RAB3GAP1: variants seen among roughly 807,000 people sequenced by gnomAD.
RAB3GAP1 encodes the protein rab3 GTPase-activating protein catalytic subunit.
RAB3GAP1 carries 86 observed loss-of-function variants against 130.7 expected under a neutral mutation model. The ratio of observed to expected loss-of-function variants is 0.66; its 90% confidence interval spans 0.55 to 0.79. RAB3GAP1 has a LOEUF of 0.79. Among genes scored for constraint, RAB3GAP1 ranks in the 30% least tolerant of loss-of-function variants. The pLI is 0.00. For missense variants in RAB3GAP1, 1,029 were observed against 1,169.4 expected, an observed-to-expected ratio of 0.88 and a Z score of 1.75; for synonymous variants, 367 against 401.7, an observed-to-expected ratio of 0.91 and a Z score of 1.03.
chr2:135,143,289 A>G (rs1185451578), intron 17 of RAB3GAP1, among the ~76,000 whole-genome samples: 1 of 151,836 alleles, frequency 6.6e-6, no homozygotes, highest in Non-Finnish European at 1.5e-5. Context: ...ATGATATTGC[A>G]GTTTTAATTT....
intron 3 of RAB3GAP1, among the ~76,000 whole-genome samples, chr2:135,076,057 T>A (rs1689625916): frequency 6.6e-6 from 1 of 152,010 alleles, no homozygotes; most frequent in Admixed American, 6.6e-5. Flanking sequence ...ATTACAGGCG[T>A]GTGCCACCAC....
chr2:135,120,698 G>A, intron 7 of RAB3GAP1, 121 bp from the exon 8 acceptor site: 1 of 791,094 alleles, frequency 1.3e-6, no homozygotes, highest in Admixed American at 1.8e-5. Context: ...ACTAGAATCT[G>A]AAAATCCAGG....
chr2:135,067,477 A>G (rs1010630914), intron 3 of RAB3GAP1, among the ~76,000 whole-genome samples: 3 of 152,168 alleles, frequency 2.0e-5, no homozygotes, highest in African/African-American at 7.2e-5. Context: ...GTGTTTTGTT[A>G]TATCTCTGAT....
chr2:135,066,311 G>A (rs1303231897), intron 3 of RAB3GAP1, among the ~76,000 whole-genome samples: 1 of 152,176 alleles, frequency 6.6e-6, no homozygotes, highest in African/African-American at 2.4e-5. Flanking sequence ...AGAACCCAAA[G>A]TGCTGGGAAA....
intron 17 of RAB3GAP1, 21 bp downstream of exon 17, chr2:135,135,953 C>A (rs1210304343): frequency 6.2e-7 from 1 of 1,610,598 alleles, no homozygotes; most frequent in East Asian, 2.2e-5. Flanking sequence ...CTAGTTCTTT[C>A]CATTTTAATT....
chr2:135,067,253 G>C (rs72976399), intron 3 of RAB3GAP1, among the ~76,000 whole-genome samples: 6,901 of 152,232 alleles, frequency 0.045, 538 homozygotes, highest in African/African-American at 0.16. Flanking sequence ...ACTAAAGAAG[G>C]TTGAGGATCA....
chr2:135,101,804 T>G (rs924439040), intron 5 of RAB3GAP1, among the ~76,000 whole-genome samples: 1 of 152,010 alleles, frequency 6.6e-6, no homozygotes, highest in African/African-American at 2.4e-5. Context: ...TTTTTTTATT[T>G]TCTTTAAATA....
chr2:135,166,060 T>A (rs1558807748), intron 23 of RAB3GAP1, among the ~76,000 whole-genome samples: 1 of 151,798 alleles, frequency 6.6e-6, no homozygotes, highest in East Asian at 1.9e-4. Context: ...TAATCTCAGC[T>A]ACTTGGGAGG....
chr2:135,159,830 T>TTAC (rs1207525851), intron 19 of RAB3GAP1, among the ~76,000 whole-genome samples: 3 of 152,214 alleles, frequency 2.0e-5, no homozygotes, highest in Admixed American at 6.5e-5. Flanking sequence ...CTGATATGTG[T>TTAC]TACAACATGG....
intron 11 of RAB3GAP1, among the ~76,000 whole-genome samples, chr2:135,129,729 A>C (rs572951722): frequency 1.6e-4 from 24 of 152,246 alleles, no homozygotes; most frequent in African/African-American, 5.1e-4. Flanking sequence ...AGTAAGTACT[A>C]TTAGGTACAG....
chr2:135,145,399 TACAC>T (rs10603690), intron 17 of RAB3GAP1, among the ~76,000 whole-genome samples: 6,395 of 147,058 alleles, frequency 0.043, 156 homozygotes, highest in South Asian at 0.068. Flanking sequence ...CACACACACA[TACAC>T]ACACACACAC....
At chr2:135,127,276 G>T (rs1316560313) in intron 11 of RAB3GAP1, among the ~76,000 whole-genome samples, 1 of 149,636 alleles carries the variant, frequency 6.7e-6, no homozygotes, top group Non-Finnish European at 1.5e-5. Context: ...TGTTATTGAA[G>T]CCCTTTTTGC....
At chr2:135,094,711 T>G (rs1690242389) in intron 5 of RAB3GAP1, among the ~76,000 whole-genome samples, 2 of 152,190 alleles carry the variant, frequency 1.3e-5, no homozygotes, top group African/African-American at 4.8e-5. Flanking sequence ...TGACTATCCA[T>G]AAGACACTAA....
intron 3 of RAB3GAP1, among the ~76,000 whole-genome samples, chr2:135,083,767 G>GT (rs34087354): frequency 0.67 from 65,578 of 98,310 alleles, 24,239 homozygotes; most frequent in Non-Finnish European, 0.84. Flanking sequence ...ACCCAACACG[G>GT]TTTTTTTTTT....
intron 8 of RAB3GAP1, among the ~76,000 whole-genome samples, chr2:135,122,281 G>A (rs957516484): frequency 3.3e-5 from 5 of 152,248 alleles, no homozygotes; most frequent in Admixed American, 3.3e-4. Context: ...ACACTCAAAT[G>A]TTTGTGTTGG....
chr2:135,105,548 G>A (rs1290431132), intron 5 of RAB3GAP1, among the ~76,000 whole-genome samples: 1 of 152,126 alleles, frequency 6.6e-6, no homozygotes, highest in East Asian at 1.9e-4. Context: ...ATGTTGCCCA[G>A]GCTGGAGTGC....
At chr2:135,077,020 A>G (rs1689649879) in intron 3 of RAB3GAP1, among the ~76,000 whole-genome samples, 1 of 152,252 alleles carries the variant, frequency 6.6e-6, no homozygotes, top group Non-Finnish European at 1.5e-5. Context: ...CTGTAATCCC[A>G]GCACTTTGGG....
Position 135,115,387 on chromosome 2 carries a change from T to C in RAB3GAP1, c.648+6T>C. 2.5e-6 allele frequency: 4 copies of C among 1,607,388 alleles called. No homozygotes were observed. Among genetic ancestry groups the C allele is most frequent in the Non-Finnish European group, 2.6e-6 (3 of 1,174,326 alleles). ...ATATCTTCAAATCAAAGATTGTGAG[T>C]TGGGATTGATATTGTCAGTCTTATC... On this transcript the variant is annotated splice_donor_region_variant and intron_variant, in intron 7 of 23. Transcript: ENST00000264158.
chr2:135,119,357 G>A lies in RAB3GAP1; in HGVS notation c.649-1462G>A, dbSNP rs371136152. On this transcript the variant is annotated intron_variant, in intron 7 of 23. Transcript: ENST00000264158. Reference sequence around the variant, plus strand: ...ACTCCTGATTTCAAATGATCCACCCGCCTTGGCCTCCCAAAGTGCTGGGAT... The same window carrying A: ...ACTCCTGATTTCAAATGATCCACCCACCTTGGCCTCCCAAAGTGCTGGGAT... Among the ~76,000 whole-genome samples, 106 of 152,254 alleles carry A rather than the reference G, an allele frequency of 7.0e-4. 2 individuals are homozygous for A. In the South Asian group the frequency reaches 0.022, roughly 32 times the overall value.
Sources: gnomAD v4.1 joint callset for allele counts (sites outside exome capture counted in the v4.1 genomes callset) on GRCh38, gnomAD v4.1.1 for gene constraint, MANE v1.5 for transcripts, NCBI Gene and HGNC (gene_info 2026-07-23, HGNC 2026-07-21) for gene names.